The following CPHXL variants were observed in gnomAD, a reference collection of about 807,000 sequenced individuals.
The protein encoded by CPHXL is cytoplasmic polyadenylated homeobox-like protein.
At chr16:75,722,220 C>G (rs987101735) in intron 1 of CPHXL, among the ~76,000 whole-genome samples, 7 of 152,092 alleles carry the variant, frequency 4.6e-5, no homozygotes, top group Admixed American at 1.3e-4. Context: ...GAAACACATT[C>G]AAAAGCTAGC....
Position 75,715,199 on chromosome 16 carries a change from G to T in CPHXL, c.243C>A (p.Ala81=), listed in dbSNP as rs1473201600. The change falls in exon 3 of 3, where the codon GCC becomes GCA. Residue 81 remains alanine, a synonymous_variant. Coordinates refer to ENST00000640559, the MANE Select transcript of CPHXL (RefSeq NM_001355613.1). ...TGCGTCTTTCTGCAGGTGGAAGTCT[G>T]GCTCTTTTATTCTGGAACCAATTCT... is the stretch of plus-strand genomic sequence containing the variant. ...VIDNWFQNKR[A]RLPPAERRRI... is the part of the protein sequence containing the mutation. 7.5e-6 allele frequency: 3 copies of T among 398,718 alleles called. No individual in the cohort carries two copies. Among genetic ancestry groups the T allele is most frequent in the African/African-American group, 6.2e-5 (3 of 48,610 alleles). 24.7% of individuals were successfully genotyped at this position (398,718 alleles called of 1,614,324 possible). A position where few individuals can be genotyped will look rare whatever the true frequency, so the allele number is the denominator to read the frequency against.
intron 1 of CPHXL, among the ~76,000 whole-genome samples, chr16:75,723,544 G>A (rs1446254329): frequency 6.6e-6 from 1 of 152,128 alleles, no homozygotes; most frequent in African/African-American, 2.4e-5. Flanking sequence ...CAACTTACAA[G>A]GGATGTGAAG....
Position 75,714,584 on chromosome 16 carries a change from T to G in CPHXL, c.858A>C (p.Ala286=), listed in dbSNP as rs1273363234. 4 of 398,538 alleles carry G rather than the reference T, an allele frequency of 1.0e-5. No homozygotes were observed. The highest frequency in any genetic ancestry group is 8.2e-5 in the African/African-American group (4 of 48,632). The allele number at this position is 398,538 out of a possible 1,614,324, so 24.7% of individuals were successfully genotyped here. A position where few individuals can be genotyped will look rare whatever the true frequency, so the allele number is the denominator to read the frequency against. Residue 286 remains alanine, a synonymous_variant, in exon 3 of 3, where the codon GCA becomes GCC. Coordinates refer to ENST00000640559, the MANE Select transcript of CPHXL (RefSeq NM_001355613.1). ...GACAATGGTCTTTCTTCACCCCATA[T>G]GCACCTTGAGCGTAATCCAAAAGGA... ...SPFLLDYAQG[A]YGVKKDHCLC... is the part of the protein sequence containing the mutation.
rs370249836 is a variant in CPHXL, at chr16:75,725,212, A to G, written c.25+1206T>C. ...AATGGGTGCAGCACACCAACATGGC[A>G]CATGTATATATATGTAACTAACCTG... On this transcript the variant is annotated intron_variant, in intron 1 of 2. Transcript: ENST00000640559. Among the ~76,000 whole-genome samples, 12 of 152,300 alleles carry G rather than the reference A, an allele frequency of 7.9e-5. 1 individual carries two copies. The East Asian group carries it at 1.4e-3, about 17-fold the overall frequency.
chr16:75,717,670 C>T (rs936624481), intron 2 of CPHXL, among the ~76,000 whole-genome samples: 1 of 152,210 alleles, frequency 6.6e-6, no homozygotes, highest in African/African-American at 2.4e-5. Flanking sequence ...GGGTCTCATT[C>T]TGTCACACAG....
intron 2 of CPHXL, among the ~76,000 whole-genome samples, chr16:75,716,655 G>C (rs1393540051): frequency 6.6e-6 from 1 of 152,012 alleles, no homozygotes; most frequent in South Asian, 2.1e-4. Context: ...AGGCTTTATT[G>C]TATGGTCATG....
chr16:75,720,718 G>T (rs983914210), intron 1 of CPHXL, among the ~76,000 whole-genome samples: 1 of 150,348 alleles, frequency 6.7e-6, no homozygotes, highest in Admixed American at 6.6e-5. Flanking sequence ...ATCTAGCAAG[G>T]CAGGCCAACA....
chr16:75,722,376 A>T (rs1240181417), intron 1 of CPHXL, among the ~76,000 whole-genome samples: 6 of 152,184 alleles, frequency 3.9e-5, no homozygotes, highest in African/African-American at 1.4e-4. Context: ...AATAAAGAAG[A>T]AAAGAGAGAA....
At chr16:75,723,751 C>CT (rs1171961578) in intron 1 of CPHXL, among the ~76,000 whole-genome samples, 2 of 152,300 alleles carry the variant, frequency 1.3e-5, no homozygotes, top group African/African-American at 4.8e-5. Context: ...GAAAAAACTA[C>CT]TTTAAAGTTC....
chr16:75,715,755 G>A (rs1959381788), intron 2 of CPHXL, among the ~76,000 whole-genome samples: 1 of 151,438 alleles, frequency 6.6e-6, no homozygotes, highest in Non-Finnish European at 1.5e-5. Flanking sequence ...GGAGTGCAAT[G>A]GTGTGATCTC....
At chr16:75,722,961 A>T (rs1235898783) in intron 1 of CPHXL, among the ~76,000 whole-genome samples, 2 of 152,196 alleles carry the variant, frequency 1.3e-5, no homozygotes, top group Non-Finnish European at 2.9e-5. Flanking sequence ...AAAATCAATA[A>T]ACGTAATCCA....
intron 1 of CPHXL, 22 bp downstream of exon 1, chr16:75,726,396 G>C (rs1340307373): frequency 2.5e-6 from 1 of 398,488 alleles, no homozygotes; most frequent in Non-Finnish European, 4.4e-6. Context: ...CATTGTAAGA[G>C]AAAAAGCTGA....
At chr16:75,720,062 C>G (rs1959452954) in intron 1 of CPHXL, among the ~76,000 whole-genome samples, 1 of 152,180 alleles carries the variant, frequency 6.6e-6, no homozygotes, top group Non-Finnish European at 1.5e-5. Context: ...AGAAGGAAAA[C>G]TAACAAACAG....
At chr16:75,721,031 C>A (rs1475554170) in intron 1 of CPHXL, among the ~76,000 whole-genome samples, 1 of 152,220 alleles carries the variant, frequency 6.6e-6, no homozygotes, top group East Asian at 1.9e-4. Context: ...GAAATAAAAT[C>A]CTCTACAGAC....
rs1959368569 is a variant in CPHXL, at chr16:75,714,910, T to C, written c.532A>G (p.Lys178Glu). 1 of 398,522 alleles carries C rather than the reference T, an allele frequency of 2.5e-6. No individual in the cohort carries two copies. The highest frequency in any genetic ancestry group is 4.4e-6 in the Non-Finnish European group (1 of 226,086). 24.7% of individuals were successfully genotyped at this position (398,522 alleles called of 1,614,324 possible). ...QVGPQCSYLEKPGIPSQQVGS... is the reference protein window; with the variant it reads ...QVGPQCSYLEEPGIPSQQVGS... ...ACCTGTTGACTGGGAATCCCTGGTTTCTCCAGATAAGAGCACTGGGGGCCC... is the reference window on the plus strand; with the variant it reads ...ACCTGTTGACTGGGAATCCCTGGTTCCTCCAGATAAGAGCACTGGGGGCCC... The change falls in exon 3 of 3, where the codon AAA becomes GAA. Residue 178 changes from lysine (K) to glutamate (E), a missense_variant. By Grantham distance (56) the Lys-to-Glu change is moderately conservative (BLOSUM62 1). Transcript: ENST00000640559.
rs1019294062 is a variant in CPHXL, at chr16:75,726,454, A to C, written c.-12T>G. On this transcript the variant is annotated 5_prime_UTR_variant, in exon 1 of 3. Transcript: ENST00000640559. The stretch of plus-strand genomic sequence containing the variant: ...CCGTCCAAATTCATCTTGGGGTAGA[A>C]GACCTGGACTTCACGGAGACCAGCA... The C allele has an allele frequency of 5.0e-6, 2 of 398,522 alleles. No homozygotes were observed. Among genetic ancestry groups the C allele is most frequent in the Non-Finnish European group, 8.8e-6 (2 of 226,084 alleles). 24.7% of individuals were successfully genotyped at this position (398,522 alleles called of 1,614,324 possible). A position where few individuals can be genotyped will look rare whatever the true frequency, so the allele number is the denominator to read the frequency against.
intron 1 of CPHXL, among the ~76,000 whole-genome samples, chr16:75,722,921 C>T (rs1022352841): frequency 6.6e-6 from 1 of 152,144 alleles, no homozygotes; most frequent in Non-Finnish European, 1.5e-5. Flanking sequence ...TGGGCTTCAT[C>T]CCTGGGATGC....
rs561961022 is a variant in CPHXL, at chr16:75,725,199, A to C, written c.25+1219T>G. Among the ~76,000 whole-genome samples the C allele has an allele frequency of 1.6e-4, 25 of 152,246 alleles. 1 individual carries two copies. The East Asian group carries it at 4.4e-3, about 27-fold the overall frequency. ...TAAATGACGAGTTAATGGGTGCAGC[A>C]CACCAACATGGCACATGTATATATA... On this transcript the variant is annotated intron_variant, in intron 1 of 2. Coordinates refer to ENST00000640559, the MANE Select transcript of CPHXL (RefSeq NM_001355613.1).
intron 2 of CPHXL, among the ~76,000 whole-genome samples, chr16:75,716,700 A>C (rs1191241049): frequency 6.6e-6 from 1 of 152,118 alleles, no homozygotes; most frequent in Non-Finnish European, 1.5e-5. Flanking sequence ...TGATCAACTT[A>C]ACCTTCAGCT....
Sources: gnomAD v4.1 joint callset for allele counts (sites outside exome capture counted in the v4.1 genomes callset) on GRCh38, gnomAD v4.1.1 for gene constraint, MANE v1.5 for transcripts, NCBI Gene and HGNC (gene_info 2026-07-23, HGNC 2026-07-21) for gene names.